Variants in ASH1L observed in about 807,000 individuals in gnomAD.
ASH1L encodes ASH1 like histone lysine methyltransferase, also known as histone-lysine N-methyltransferase ASH1L.
Under a neutral mutation model 269.0 loss-of-function variants are expected in ASH1L, and 23 were observed. That is an observed-to-expected ratio of 0.09 (90% CI 0.06 to 0.12). The LOEUF is 0.12. ASH1L is among the 10% of genes least tolerant of loss of function. ASH1L has a pLI of 1.00. For synonymous variants in ASH1L, 1,187 were observed against 1,253.5 expected (o/e 0.95, Z 1.12); for missense variants, 2,912 against 3,567.8 (o/e 0.82, Z 4.68).
intron 3 of ASH1L, among the ~76,000 whole-genome samples, chr1:155,474,479 C>T (rs1179736401): frequency 6.6e-6 from 1 of 152,082 alleles, no homozygotes; most frequent in Non-Finnish European, 1.5e-5. Context: ...AGGAGGGTCC[C>T]TTTGAGCCCA....
At chr1:155,392,629 C>T (rs890749993) in intron 7 of ASH1L, among the ~76,000 whole-genome samples, 6 of 152,124 alleles carry the variant, frequency 3.9e-5, no homozygotes, top group Non-Finnish European at 5.9e-5. Flanking sequence ...GCTGGGACTA[C>T]AGGCACACAC....
chr1:155,536,286 G>GGACTTATACAGAGGGCCTTGCA (rs1418972028), intron 1 of ASH1L, among the ~76,000 whole-genome samples: 1 of 152,158 alleles, frequency 6.6e-6, no homozygotes. Context: ...AGGGCATGCA[G>GGACTTATACAGAGGGCCTTGCA]GACTTATACA....
chr1:155,517,941 C>G (rs1160712245), intron 2 of ASH1L, among the ~76,000 whole-genome samples: 1 of 150,086 alleles, frequency 6.7e-6, no homozygotes, highest in Non-Finnish European at 1.5e-5. Context: ...GCTGGGACTA[C>G]AGGTGCCCGC....
chr1:155,508,517 TA>T (rs753163833), intron 2 of ASH1L, among the ~76,000 whole-genome samples: 1 of 152,100 alleles, frequency 6.6e-6, no homozygotes, highest in Non-Finnish European at 1.5e-5. Flanking sequence ...CATTCACCTG[TA>T]ATCCCAGCTA....
At chr1:155,421,410 C>T (rs1264718800) in intron 5 of ASH1L, among the ~76,000 whole-genome samples, 7 of 145,910 alleles carry the variant, frequency 4.8e-5, no homozygotes, top group African/African-American at 1.5e-4. Flanking sequence ...TGGTGGCTCA[C>T]GCCTGTAATT....
At chr1:155,426,360 G>C (rs1296455083) in intron 5 of ASH1L, among the ~76,000 whole-genome samples, 1 of 151,934 alleles carries the variant, frequency 6.6e-6, no homozygotes, top group Non-Finnish European at 1.5e-5. Flanking sequence ...ATGAGCCACC[G>C]CACCCAGCTT....
intron 6 of ASH1L, among the ~76,000 whole-genome samples, chr1:155,402,473 AT>A (rs1658935575): frequency 6.6e-6 from 1 of 152,212 alleles, no homozygotes; most frequent in Non-Finnish European, 1.5e-5. Context: ...AAAAATGGAC[AT>A]GTTATTCTAG....
intron 6 of ASH1L, among the ~76,000 whole-genome samples, chr1:155,407,080 A>G (rs1480851039): frequency 1.3e-5 from 2 of 152,000 alleles, no homozygotes; most frequent in Non-Finnish European, 2.9e-5. Context: ...AAAATTAGCC[A>G]GGCGTGGTGG....
At chr1:155,410,723 C>G (rs1468692687) in intron 6 of ASH1L, among the ~76,000 whole-genome samples, 1 of 150,810 alleles carries the variant, frequency 6.6e-6, no homozygotes, top group Non-Finnish European at 1.5e-5. Flanking sequence ...TGTATATCAC[C>G]AAGAATGATA....
chr1:155,508,978 G>A (rs1459457294), intron 2 of ASH1L, among the ~76,000 whole-genome samples: 2 of 152,000 alleles, frequency 1.3e-5, no homozygotes, highest in African/African-American at 4.8e-5. Context: ...GCCTCTCAAA[G>A]TAGTCATCAT....
intron 4 of ASH1L, among the ~76,000 whole-genome samples, chr1:155,451,409 T>C (rs1663457669): frequency 6.6e-6 from 1 of 151,990 alleles, no homozygotes; most frequent in African/African-American, 2.4e-5. Context: ...GTTACGGAGA[T>C]TGGTTGCACA....
chr1:155,450,159 CTGTATGTGTTTGTA>C (rs566264396), intron 4 of ASH1L, among the ~76,000 whole-genome samples: 3 of 152,216 alleles, frequency 2.0e-5, no homozygotes, highest in Non-Finnish European at 2.9e-5. Flanking sequence ...CTGTGTTCCT[CTGTATGTGTTTGTA>C]TGTATGTGTT....
chr1:155,377,362 T>C (rs753845784), intron 10 of ASH1L, among the ~76,000 whole-genome samples: 1 of 152,216 alleles, frequency 6.6e-6, no homozygotes, highest in Non-Finnish European at 1.5e-5. Flanking sequence ...TCACTCTCAC[T>C]GCCACTGTCC....
intron 3 of ASH1L, among the ~76,000 whole-genome samples, chr1:155,475,602 C>CACT (rs1665479123): frequency 6.6e-6 from 1 of 152,178 alleles, no homozygotes; most frequent in African/African-American, 2.4e-5. Flanking sequence ...ATTTGCTTAT[C>CACT]ACTCTATGGT....
At chr1:155,524,471 G>A (rs1218550438) in intron 1 of ASH1L, among the ~76,000 whole-genome samples, 11 of 148,770 alleles carry the variant, frequency 7.4e-5, no homozygotes, top group African/African-American at 2.2e-4. Flanking sequence ...GCAGTGAGCC[G>A]AGATTGTGCC....
intron 27 of ASH1L, 103 bp from the exon 28 acceptor site, chr1:155,337,854 G>T: frequency 8.1e-7 from 1 of 1,227,180 alleles, no homozygotes. Flanking sequence ...TTCCTTTTCT[G>T]ACCTATAAGC....
intron 1 of ASH1L, among the ~76,000 whole-genome samples, chr1:155,536,575 G>T (rs80233868): frequency 6.6e-6 from 1 of 151,918 alleles, no homozygotes; most frequent in Non-Finnish European, 1.5e-5. Context: ...ATATGAATAC[G>T]CTATGTCTGT....
chr1:155,375,497 G>A (rs1442564849), intron 10 of ASH1L, among the ~76,000 whole-genome samples: 5 of 152,046 alleles, frequency 3.3e-5, no homozygotes, highest in South Asian at 2.1e-4. Flanking sequence ...CTTGAAAAAC[G>A]AGAGTTGGGC....
At chr1:155,503,005 T>G (rs1350890104) in intron 2 of ASH1L, among the ~76,000 whole-genome samples, 1 of 152,150 alleles carries the variant, frequency 6.6e-6, no homozygotes, top group East Asian at 1.9e-4. Context: ...GTTACCAAGC[T>G]CCCCTGCCTT....
Sources: gnomAD v4.1 joint callset for allele counts (sites outside exome capture counted in the v4.1 genomes callset) on GRCh38, gnomAD v4.1.1 for gene constraint, MANE v1.5 for transcripts, NCBI Gene and HGNC (gene_info 2026-07-23, HGNC 2026-07-21) for gene names.